Variants in SORCS2 observed in about 807,000 individuals in gnomAD.
The protein encoded by SORCS2 is VPS10 domain-containing receptor SorCS2.
Under a neutral mutation model 141.6 loss-of-function variants are expected in SORCS2, and 100 were observed. The observed-to-expected ratio is 0.71, with a 90% CI of 0.60 to 0.83. The LOEUF is 0.83. Ranked by LOEUF, SORCS2 falls within the 40% of genes least tolerant of loss-of-function variation. SORCS2 has a pLI of 0.00. For missense variants in SORCS2, 1,646 were observed against 1,560.2 expected, an observed-to-expected ratio of 1.05 and a Z score of -0.93; for synonymous variants, 789 against 676.9, an observed-to-expected ratio of 1.17 and a Z score of -2.57.
At chr4:7,368,754 G>A (rs565372826) in intron 1 of SORCS2, among the ~76,000 whole-genome samples, 1 of 152,284 alleles carries the variant, frequency 6.6e-6, no homozygotes, top group East Asian at 1.9e-4. Flanking sequence ...ATGTGGTTTG[G>A]CTGTGTCCCC....
In SORCS2 at chr4:7,488,711, G is replaced by A. The variant is rs556694665; in HGVS notation, c.549-42819G>A. On this transcript the variant is annotated intron_variant, in intron 2 of 26. Coordinates refer to ENST00000507866, the MANE Select transcript of SORCS2 (RefSeq NM_020777.3). ...TGAGTGTCTCAGCCAAGACGGGCACGTGTCCGTCACTGGCCATGGCAGACA... is the reference window on the plus strand; with the variant it reads ...TGAGTGTCTCAGCCAAGACGGGCACATGTCCGTCACTGGCCATGGCAGACA... Among the ~76,000 whole-genome samples the A allele has an allele frequency of 3.9e-5, 6 of 152,328 alleles. 1 individual carries two copies. In the South Asian group the frequency reaches 6.2e-4, roughly 16 times the overall value.
intron 4 of SORCS2, among the ~76,000 whole-genome samples, chr4:7,652,152 C>T (rs538635451): frequency 6.6e-6 from 1 of 152,262 alleles, no homozygotes; most frequent in Admixed American, 6.5e-5. Flanking sequence ...CTTCCCCACC[C>T]GACACGCTGC....
At chr4:7,443,305 TCTG>T (rs1336593182) in intron 2 of SORCS2, among the ~76,000 whole-genome samples, 39 of 152,234 alleles carry the variant, frequency 2.6e-4, no homozygotes, top group African/African-American at 8.7e-4. Flanking sequence ...CCCTAAGAAG[TCTG>T]GAAGGGGAGG....
intron 1 of SORCS2, among the ~76,000 whole-genome samples, chr4:7,264,381 G>A (rs1714574073): frequency 6.6e-6 from 1 of 152,160 alleles, no homozygotes; most frequent in Admixed American, 6.5e-5. Flanking sequence ...GCTTGTCCAG[G>A]GGCATGGGAT....
At chr4:7,556,244 C>G (rs1456931610) in intron 3 of SORCS2, among the ~76,000 whole-genome samples, 4 of 152,142 alleles carry the variant, frequency 2.6e-5, no homozygotes, top group African/African-American at 9.7e-5. Context: ...TTCCTGAAGC[C>G]TGAGACACTG....
chr4:7,451,947 G>A (rs950149076), intron 2 of SORCS2, among the ~76,000 whole-genome samples: 12 of 152,154 alleles, frequency 7.9e-5, no homozygotes, highest in Non-Finnish European at 1.3e-4. Flanking sequence ...GTGCTTGCGC[G>A]AGTGCACATT....
chr4:7,656,641 G>A (rs549634920), intron 5 of SORCS2, among the ~76,000 whole-genome samples: 1 of 152,344 alleles, frequency 6.6e-6, no homozygotes, highest in African/African-American at 2.4e-5. Flanking sequence ...TCTGCTGGGT[G>A]GTCTGGCCGC....
intron 1 of SORCS2, among the ~76,000 whole-genome samples, chr4:7,251,217 G>T (rs905009): frequency 0.013 from 2,031 of 152,314 alleles, 46 homozygotes; most frequent in African/African-American, 0.046. Context: ...GGTGTGGCTT[G>T]TTCCAGGGGC....
At chr4:7,568,938 C>G (rs76087305) in intron 3 of SORCS2, among the ~76,000 whole-genome samples, 2,232 of 152,270 alleles carry the variant, frequency 0.015, 65 homozygotes, top group African/African-American at 0.05. Flanking sequence ...ATGGGAACAG[C>G]TCCCCAAGGC....
chr4:7,729,608 C>T lies in SORCS2; in HGVS notation c.3004C>T (p.Leu1002Phe). The change falls in exon 23 of 27, where the codon CTT becomes TTT. Residue 1002 changes from leucine (L) to phenylalanine (F), a missense_variant. Coordinates refer to ENST00000507866, the MANE Select transcript of SORCS2 (RefSeq NM_020777.3). ...LSKETSVPQE[L>F]LVTVVKPGLP... Reference sequence around the variant, plus strand: ...GCAGGAGACCAGCGTCCCTCAGGAGCTTCTGGTGACTGTGGTGAAGCCGGG... The same window carrying T: ...GCAGGAGACCAGCGTCCCTCAGGAGTTTCTGGTGACTGTGGTGAAGCCGGG... 1 of 1,589,114 alleles carries T rather than the reference C, an allele frequency of 6.3e-7. No homozygotes were observed. Among genetic ancestry groups the T allele is most frequent in the South Asian group, 1.1e-5 (1 of 87,012 alleles).
At chr4:7,531,841 G>C (rs1313196995) in intron 3 of SORCS2, among the ~76,000 whole-genome samples, 3 of 152,228 alleles carry the variant, frequency 2.0e-5, no homozygotes, top group African/African-American at 4.8e-5. Context: ...TTGGAGGAAG[G>C]CACCGCCTGC....
chr4:7,479,177 CGGT>C (rs1422854172), intron 2 of SORCS2, among the ~76,000 whole-genome samples: 1 of 151,828 alleles, frequency 6.6e-6, no homozygotes, highest in Non-Finnish European at 1.5e-5. Flanking sequence ...CCCTCTCTCT[CGGT>C]GGACTTCTGT....
At chr4:7,694,378 C>A (rs368358125) in intron 11 of SORCS2, among the ~76,000 whole-genome samples, 7 of 152,170 alleles carry the variant, frequency 4.6e-5, no homozygotes, top group African/African-American at 1.7e-4. Context: ...GGAGGCCCTT[C>A]CACTCTGACA....
At chr4:7,397,541 G>A (rs1043917519) in intron 2 of SORCS2, among the ~76,000 whole-genome samples, 2 of 152,112 alleles carry the variant, frequency 1.3e-5, no homozygotes, top group Non-Finnish European at 2.9e-5. Context: ...GGTGAGTGAT[G>A]GGTCGTATCC....
intron 18 of SORCS2, among the ~76,000 whole-genome samples, chr4:7,722,073 A>G (rs564134582): frequency 8.3e-4 from 127 of 152,328 alleles, no homozygotes; most frequent in African/African-American, 3.0e-3. Context: ...AAGACAAGTT[A>G]TTTTAACCAA....
chr4:7,730,171 A>C (rs944848974), intron 23 of SORCS2, among the ~76,000 whole-genome samples: 1 of 152,142 alleles, frequency 6.6e-6, no homozygotes, highest in Non-Finnish European at 1.5e-5. Context: ...CATGGAGGGG[A>C]TAAAAGACCT....
chr4:7,435,028 T>A (rs373219594), intron 2 of SORCS2: 1 of 958,520 alleles, frequency 1.0e-6, no homozygotes, highest in South Asian at 1.8e-5. Context: ...TGCCCGGGGA[T>A]TCCTGGCCTC....
chr4:7,393,939 C>T (rs564644354), intron 1 of SORCS2, among the ~76,000 whole-genome samples: 6 of 152,116 alleles, frequency 3.9e-5, no homozygotes, highest in Admixed American at 1.3e-4. Context: ...TGATGACTGC[C>T]GAGTCAGGTC....
intron 23 of SORCS2, 80 bp from the exon 24 acceptor site, chr4:7,733,242 G>T: frequency 9.4e-7 from 1 of 1,064,382 alleles, no homozygotes; most frequent in South Asian, 2.1e-5. Flanking sequence ...TCCCCTCCTG[G>T]AGGAGGACCC....
Sources: gnomAD v4.1 joint callset for allele counts (sites outside exome capture counted in the v4.1 genomes callset) on GRCh38, gnomAD v4.1.1 for gene constraint, MANE v1.5 for transcripts, NCBI Gene and HGNC (gene_info 2026-07-23, HGNC 2026-07-21) for gene names.